KATNIP: variants seen among roughly 807,000 people sequenced by gnomAD.
KATNIP encodes the protein katanin interacting protein.
In KATNIP, 126 loss-of-function variants were observed where a neutral mutation model predicts 174.0. The ratio of observed to expected loss-of-function variants is 0.72; its 90% CI spans 0.63 to 0.84. The LOEUF (loss-of-function observed/expected upper bound fraction) is 0.84. Among genes scored for constraint, KATNIP ranks in the 40% least tolerant of loss-of-function variants. KATNIP has a pLI of 0.00. For synonymous variants in KATNIP, 810 were observed against 835.7 expected (o/e 0.97, Z 0.53); for missense variants, 1,958 against 2,109.7 (o/e 0.93, Z 1.41).
At chr16:27,599,268 C>T (rs900745299) in intron 2 of KATNIP, among the ~76,000 whole-genome samples, 1 of 152,210 alleles carries the variant, frequency 6.6e-6, no homozygotes, top group African/African-American at 2.4e-5. Flanking sequence ...AACCCGTACA[C>T]CAGAAACTGC....
At chr16:27,682,627 A>G (rs1226216406) in intron 8 of KATNIP, among the ~76,000 whole-genome samples, 4 of 152,124 alleles carry the variant, frequency 2.6e-5, no homozygotes, top group Non-Finnish European at 4.4e-5. Flanking sequence ...GTGACTTTCT[A>G]TCCTAAATAA....
Position 27,761,463 on chromosome 16 carries a change from C to T in KATNIP, c.3682C>T (p.Leu1228Phe), listed in dbSNP as rs1170087649. 4 of 1,614,096 alleles carry T rather than the reference C, an allele frequency of 2.5e-6. No individual in the cohort carries two copies. The highest frequency in any genetic ancestry group is 3.4e-6 in the Non-Finnish European group (4 of 1,180,020). The change falls in exon 19 of 28, where the codon CTC becomes TTC. Residue 1228 changes from leucine (L) to phenylalanine (F), a missense_variant. By Grantham distance (22) the Leu-to-Phe change is conservative. Transcript: ENST00000261588. Reference protein sequence around the residue: ...ASWGDLHYLGLTGLEVVGKEG... With the variant: ...ASWGDLHYLGFTGLEVVGKEG... ...CTGGGGAGACTTGCACTACCTGGGG[C>T]TCACTGGCCTGGAAGTGGTGGGCAA...
chr16:27,561,594 G>C (rs544520034), intron 1 of KATNIP, among the ~76,000 whole-genome samples: 32 of 152,298 alleles, frequency 2.1e-4, no homozygotes, highest in Admixed American at 5.9e-4. Context: ...ATGGGTAAAC[G>C]TAGCGCCTGG....
In KATNIP at chr16:27,761,498, G is replaced by A; in HGVS notation, c.3717G>A (p.Gln1239=). 6.2e-7 allele frequency: 1 copy of A among 1,614,136 alleles called. No homozygotes were observed. Among genetic ancestry groups the A allele is most frequent in the African/African-American group, 1.3e-5 (1 of 75,028 alleles). ...TGLEVVGKEG[Q]ALPIHLHQIS... is the part of the protein sequence containing the mutation. Reference sequence around the variant, plus strand: ...TGGAAGTGGTGGGCAAGGAGGGCCAGGCGCTGCCCATCCACCTGCACCAGA... The same window carrying A: ...TGGAAGTGGTGGGCAAGGAGGGCCAAGCGCTGCCCATCCACCTGCACCAGA... Residue 1239 remains glutamine (Q), a synonymous_variant, in exon 19 of 28, where the codon CAG becomes CAA. Coordinates refer to ENST00000261588, the MANE Select transcript of KATNIP (RefSeq NM_015202.5).
At chr16:27,773,933 G>A (rs531981863) in intron 23 of KATNIP, among the ~76,000 whole-genome samples, 1 of 152,316 alleles carries the variant, frequency 6.6e-6, no homozygotes, top group East Asian at 1.9e-4. Context: ...CTTGTGAGGT[G>A]ATTGCTGCTG....
intron 6 of KATNIP, among the ~76,000 whole-genome samples, chr16:27,658,175 C>T (rs145442514): frequency 2.6e-5 from 4 of 152,272 alleles, no homozygotes; most frequent in African/African-American, 9.6e-5. Flanking sequence ...CCATTGTTCC[C>T]TTTTTTAACG....
intron 2 of KATNIP, among the ~76,000 whole-genome samples, chr16:27,616,447 C>T (rs905394385): frequency 5.9e-5 from 9 of 152,030 alleles, no homozygotes; most frequent in African/African-American, 1.7e-4. Flanking sequence ...TACATGAGGC[C>T]GGGCGCAGTG....
chr16:27,776,789 C>A lies in KATNIP; in HGVS notation c.4450-139C>A. 1 of 653,570 alleles carries A rather than the reference C, an allele frequency of 1.5e-6. No homozygotes were observed. Among genetic ancestry groups the A allele is most frequent in the Non-Finnish European group, 2.8e-6 (1 of 361,122 alleles). The allele number at this position is 653,570 out of a possible 1,614,324, so 40.5% of individuals were successfully genotyped here. On this transcript the variant is annotated intron_variant, in intron 24 of 27. Coordinates refer to ENST00000261588, the MANE Select transcript of KATNIP (RefSeq NM_015202.5). The surrounding 1 kb of genome is among the most constrained non-coding windows in gnomAD (Gnocchi z 4.7). The stretch of plus-strand genomic sequence containing the variant: ...TGGGCTTCGAGGAGATGAAAGGGGG[C>A]GGAACTCCAGGCTGGCCCACGTGGC...
intron 1 of KATNIP, among the ~76,000 whole-genome samples, chr16:27,553,522 A>G (rs1440591528): frequency 6.6e-6 from 1 of 152,194 alleles, no homozygotes; most frequent in African/African-American, 2.4e-5. Flanking sequence ...TTTATTTAAG[A>G]ATGTCCTGAT....
At chr16:27,674,188 G>T (rs539279644) in intron 6 of KATNIP, among the ~76,000 whole-genome samples, 1 of 152,144 alleles carries the variant, frequency 6.6e-6, no homozygotes, top group Non-Finnish European at 1.5e-5. Flanking sequence ...GGGATGAAAG[G>T]GGGAGAACTC....
intron 6 of KATNIP, chr16:27,669,382 C>T: frequency 1.2e-6 from 1 of 841,488 alleles, no homozygotes; most frequent in South Asian, 5.4e-5. Flanking sequence ...GCGGTGTTGG[C>T]AGCCTGGCCT....
At chr16:27,608,677 C>A (rs1044290045) in intron 2 of KATNIP, among the ~76,000 whole-genome samples, 4 of 152,038 alleles carry the variant, frequency 2.6e-5, no homozygotes, top group African/African-American at 9.7e-5. Context: ...ACTACCACAC[C>A]CAGCTAATTT....
intron 27 of KATNIP, 134 bp from the exon 28 acceptor site, chr16:27,778,440 C>A: frequency 1.2e-6 from 1 of 811,008 alleles, no homozygotes; most frequent in Non-Finnish European, 2.0e-6. Context: ...GCGTGCCAGG[C>A]GCCCCGAGAG....
intron 11 of KATNIP, 57 bp downstream of exon 11, chr16:27,701,752 CTT>C: frequency 1.7e-6 from 2 of 1,173,792 alleles, no homozygotes; most frequent in Non-Finnish European, 2.5e-6. Flanking sequence ...CCATGGGGAT[CTT>C]CTTCATGAGG....
chr16:27,721,422 CG>C, intron 13 of KATNIP, 135 bp from the exon 14 acceptor site: 1 of 982,574 alleles, frequency 1.0e-6, no homozygotes, highest in Admixed American at 2.1e-5. Context: ...GTGATGGCAA[CG>C]GGGTGGCCTG....
chr16:27,768,086 TG>T (rs1224088449), intron 20 of KATNIP, among the ~76,000 whole-genome samples: 2 of 147,928 alleles, frequency 1.4e-5, no homozygotes, highest in East Asian at 4.1e-4. Context: ...TGGGATGAGG[TG>T]GGGGTGGGGG....
At chr16:27,698,297 A>G in intron 8 of KATNIP, 31 bp from the exon 9 acceptor site, 1 of 1,582,230 alleles carries the variant, frequency 6.3e-7, no homozygotes, top group Non-Finnish European at 8.6e-7. Context: ...AATATAATCT[A>G]AAAGAACGTC....
At chr16:27,602,926 T>A (rs1048094044) in intron 2 of KATNIP, among the ~76,000 whole-genome samples, 1 of 152,214 alleles carries the variant, frequency 6.6e-6, no homozygotes, top group African/African-American at 2.4e-5. Flanking sequence ...ATTGAACTCC[T>A]GGGCTCAAAG....
At chr16:27,737,188 G>C (rs190044454) in intron 14 of KATNIP, among the ~76,000 whole-genome samples, 237 of 152,134 alleles carry the variant, frequency 1.6e-3, no homozygotes, top group African/African-American at 4.9e-3. Context: ...GACCAGCCTG[G>C]ACAACATAGT....
Sources: gnomAD v4.1 joint callset for allele counts (sites outside exome capture counted in the v4.1 genomes callset) on GRCh38, gnomAD v4.1.1 for gene constraint, Gnocchi (gnomAD v3.1) non-coding constraint, MANE v1.5 for transcripts, NCBI Gene and HGNC (gene_info 2026-07-23, HGNC 2026-07-21) for gene names.